The following NKAIN2 variants were observed in gnomAD, a reference collection of about 807,000 sequenced individuals.
NKAIN2 encodes sodium/potassium-transporting ATPase subunit beta-1-interacting protein 2.
A neutral mutation model predicts 32.6 loss-of-function variants in NKAIN2; 14 were observed. The observed-to-expected ratio is 0.43, with a 90% CI of 0.28 to 0.67. The LOEUF is 0.67. NKAIN2 is among the 30% of genes least tolerant of loss of function. The pLI, the probability that NKAIN2 is intolerant of heterozygous loss-of-function variation, is 0.17. For missense variants in NKAIN2, 198 were observed against 258.3 expected, an observed-to-expected ratio of 0.77 and a Z score of 1.60; for synonymous variants, 80 against 87.2, an observed-to-expected ratio of 0.92 and a Z score of 0.46.
intron 1 of NKAIN2, among the ~76,000 whole-genome samples, chr6:123,850,096 G>A (rs758590012): frequency 6.6e-6 from 1 of 150,988 alleles, no homozygotes; most frequent in South Asian, 2.1e-4. Flanking sequence ...GCGAGAGCCC[G>A]CATGCCGAGC....
chr6:124,739,172 T>TG, intron 4 of NKAIN2, among the ~76,000 whole-genome samples: 1 of 151,924 alleles, frequency 6.6e-6, no homozygotes. Context: ...CAATATAAAA[T>TG]ACAATATGGA....
chr6:124,581,350 A>G (rs960977514), intron 3 of NKAIN2, among the ~76,000 whole-genome samples: 1 of 150,736 alleles, frequency 6.6e-6, no homozygotes, highest in Non-Finnish European at 1.5e-5. Flanking sequence ...GAGGCAGGAG[A>G]ATGGCGTGAA....
intron 2 of NKAIN2, among the ~76,000 whole-genome samples, chr6:124,343,911 C>T (rs1798270167): frequency 7.1e-6 from 1 of 141,634 alleles, no homozygotes; most frequent in South Asian, 2.5e-4. Context: ...TTGCACATGC[C>T]TATGTCCTGA....
At chr6:124,279,510 CAAAAAAA>C (rs10545991) in intron 1 of NKAIN2, among the ~76,000 whole-genome samples, 2 of 78,712 alleles carry the variant, frequency 2.5e-5, no homozygotes, top group African/African-American at 4.0e-5. Flanking sequence ...GATTCCATCT[CAAAAAAA>C]AAAAAAAAAA....
At chr6:124,112,698 T>C (rs941391111) in intron 1 of NKAIN2, among the ~76,000 whole-genome samples, 14 of 152,154 alleles carry the variant, frequency 9.2e-5, no homozygotes, top group Admixed American at 6.6e-5. Context: ...ATAATTTGTA[T>C]ATTGGTCTGC....
intron 1 of NKAIN2, among the ~76,000 whole-genome samples, chr6:123,859,572 A>T (rs1269459652): frequency 2.6e-5 from 4 of 152,208 alleles, no homozygotes; most frequent in African/African-American, 9.7e-5. Flanking sequence ...CATTTTGAGA[A>T]GGACCATTTT....
chr6:124,541,412 C>T (rs947208399), intron 3 of NKAIN2, among the ~76,000 whole-genome samples: 1 of 152,002 alleles, frequency 6.6e-6, no homozygotes, highest in African/African-American at 2.4e-5. Flanking sequence ...AGTTGCTGAG[C>T]GTATAATTTA....
At chr6:123,814,853 G>A (rs1773625809) in intron 1 of NKAIN2, among the ~76,000 whole-genome samples, 1 of 152,212 alleles carries the variant, frequency 6.6e-6, no homozygotes, top group Admixed American at 6.5e-5. Context: ...CCCTGCCCTG[G>A]ATGTTGGGAG....
chr6:124,298,777 A>G (rs1796170696), intron 2 of NKAIN2, among the ~76,000 whole-genome samples: 1 of 152,242 alleles, frequency 6.6e-6, no homozygotes, highest in African/African-American at 2.4e-5. Flanking sequence ...GTCTATTATC[A>G]GTGGGGATGC....
intron 1 of NKAIN2, among the ~76,000 whole-genome samples, chr6:123,984,349 T>C (rs1025543075): frequency 6.6e-6 from 1 of 152,154 alleles, no homozygotes; most frequent in Non-Finnish European, 1.5e-5. Context: ...TTTATGGATA[T>C]CCAAGGCTTT....
intron 1 of NKAIN2, among the ~76,000 whole-genome samples, chr6:124,142,267 A>T (rs748634822): frequency 1.3e-5 from 2 of 152,102 alleles, no homozygotes; most frequent in African/African-American, 2.4e-5. Context: ...TATCTTTTTG[A>T]TGAGAAAAAC....
intron 2 of NKAIN2, among the ~76,000 whole-genome samples, chr6:124,323,784 C>T (rs11154209): frequency 0.095 from 10,981 of 115,626 alleles, 974 homozygotes; most frequent in African/African-American, 0.26. Flanking sequence ...TTAATTTTTT[C>T]TTTTTTTTTT....
intron 1 of NKAIN2, among the ~76,000 whole-genome samples, chr6:124,081,840 G>A (rs999004112): frequency 1.6e-4 from 25 of 151,818 alleles, no homozygotes; most frequent in African/African-American, 5.8e-4. Flanking sequence ...AAAGTATTAA[G>A]TTTGTGAGTT....
chr6:124,810,917 GA>G (rs112717446), intron 5 of NKAIN2, among the ~76,000 whole-genome samples: 11,853 of 113,362 alleles, frequency 0.1, 669 homozygotes, highest in African/African-American at 0.2. Flanking sequence ...TCCTTATCAG[GA>G]AAAAAAAAAA....
intron 1 of NKAIN2, among the ~76,000 whole-genome samples, chr6:124,108,485 G>A (rs761284212): frequency 5.9e-5 from 9 of 151,998 alleles, no homozygotes; most frequent in African/African-American, 1.9e-4. Flanking sequence ...TTTCCATACA[G>A]TAGATTTCTT....
chr6:124,610,277 G>T (rs1332314226), intron 3 of NKAIN2, among the ~76,000 whole-genome samples: 1 of 152,088 alleles, frequency 6.6e-6, no homozygotes, highest in African/African-American at 2.4e-5. Context: ...TTGATTATAT[G>T]GTATTATCTA....
chr6:123,862,456 A>G (rs1287206851), intron 1 of NKAIN2, among the ~76,000 whole-genome samples: 1 of 152,076 alleles, frequency 6.6e-6, no homozygotes, highest in African/African-American at 2.4e-5. Flanking sequence ...TCCTCACTTC[A>G]TCATCCAAAA....
At chr6:123,874,100 C>T (rs997656427) in intron 1 of NKAIN2, among the ~76,000 whole-genome samples, 2 of 152,082 alleles carry the variant, frequency 1.3e-5, no homozygotes, top group South Asian at 4.2e-4. Context: ...ACCATTACAT[C>T]CCAGGTTTTA....
chr6:124,315,317 T>A (rs1796903306), intron 2 of NKAIN2, among the ~76,000 whole-genome samples: 1 of 152,086 alleles, frequency 6.6e-6, no homozygotes, highest in Non-Finnish European at 1.5e-5. Flanking sequence ...ACCGATTTTT[T>A]CTAAAAGGAT....
Sources: allele counts gnomAD v4.1 joint callset (sites outside exome capture counted in the v4.1 genomes callset), GRCh38; gene constraint gnomAD v4.1.1; transcripts MANE v1.5; gene names NCBI Gene and HGNC (gene_info 2026-07-23, HGNC 2026-07-21).